Variants in LPP observed in about 807,000 individuals in gnomAD.
The protein encoded by LPP is LIM domain containing preferred translocation partner in lipoma.
In LPP, 38 loss-of-function variants were observed where a neutral mutation model predicts 60.4. The ratio of observed to expected loss-of-function variants is 0.63; its 90% CI spans 0.49 to 0.83. The LOEUF is 0.83. Among genes scored for constraint, LPP ranks in the 40% least tolerant of loss-of-function variants. The pLI is 0.00. For synonymous variants in LPP, 328 were observed against 290.8 expected (o/e 1.13, Z -1.30); for missense variants, 902 against 783.6 (o/e 1.15, Z -1.80).
intron 7 of LPP, among the ~76,000 whole-genome samples, chr3:188,676,834 G>A (rs776417725): frequency 6.6e-6 from 1 of 152,174 alleles, no homozygotes; most frequent in Non-Finnish European, 1.5e-5. Flanking sequence ...AATAGAAACA[G>A]CAAAGGTCAC....
intron 3 of LPP, among the ~76,000 whole-genome samples, chr3:188,378,369 C>A (rs2151170499): frequency 6.6e-6 from 1 of 152,358 alleles, no homozygotes; most frequent in East Asian, 1.9e-4. Flanking sequence ...TTCAAGCTTC[C>A]TGGCCGCTTT....
At chr3:188,528,435 G>A (rs1159859021) in intron 6 of LPP, among the ~76,000 whole-genome samples, 1 of 151,890 alleles carries the variant, frequency 6.6e-6, no homozygotes, top group Non-Finnish European at 1.5e-5. Context: ...ATGCTTTGAG[G>A]TCTATTGTTT....
chr3:188,456,669 C>T (rs200196252), intron 4 of LPP, among the ~76,000 whole-genome samples: 9 of 152,166 alleles, frequency 5.9e-5, no homozygotes, highest in South Asian at 2.1e-4. Flanking sequence ...GAGTCAACCT[C>T]GGCTTCTGAG....
At chr3:188,408,528 A>T (rs915810992) in intron 4 of LPP, among the ~76,000 whole-genome samples, 1 of 152,048 alleles carries the variant, frequency 6.6e-6, no homozygotes, top group African/African-American at 2.4e-5. Flanking sequence ...GTTACCTGAA[A>T]ATTCTATTTG....
intron 2 of LPP, among the ~76,000 whole-genome samples, chr3:188,237,566 T>C (rs1722354975): frequency 6.6e-6 from 1 of 152,228 alleles, no homozygotes; most frequent in Non-Finnish European, 1.5e-5. Flanking sequence ...GAATGGATGT[T>C]GTGTTAGCAG....
At chr3:188,661,932 G>A (rs957018176) in intron 7 of LPP, among the ~76,000 whole-genome samples, 4 of 152,210 alleles carry the variant, frequency 2.6e-5, no homozygotes, top group African/African-American at 9.6e-5. Context: ...TTTAGTTAGT[G>A]CTTAATTATT....
intron 10 of LPP, among the ~76,000 whole-genome samples, chr3:188,869,129 A>G (rs964967549): frequency 3.9e-5 from 6 of 152,200 alleles, no homozygotes; most frequent in East Asian, 1.9e-4. Context: ...TCAGGCAAAA[A>G]GCAGAGGCAC....
chr3:188,688,205 A>C (rs765167012), intron 7 of LPP, among the ~76,000 whole-genome samples: 4 of 152,206 alleles, frequency 2.6e-5, no homozygotes, highest in Non-Finnish European at 1.5e-5. Flanking sequence ...CACAGCTCAT[A>C]TTCTGGTTTA....
chr3:188,757,879 TG>T (rs1730788499), intron 8 of LPP, among the ~76,000 whole-genome samples: 1 of 125,426 alleles, frequency 8.0e-6, no homozygotes, highest in East Asian at 2.1e-4. Context: ...TTTGTGGTTT[TG>T]TTTTTTTGGT....
At chr3:188,659,397 T>C (rs1417121915) in intron 7 of LPP, among the ~76,000 whole-genome samples, 1 of 152,220 alleles carries the variant, frequency 6.6e-6, no homozygotes, top group Non-Finnish European at 1.5e-5. Context: ...ATTTCCACCT[T>C]GGAACTGTTT....
At chr3:188,650,560 T>G (rs1851885675) in intron 7 of LPP, among the ~76,000 whole-genome samples, 2 of 152,192 alleles carry the variant, frequency 1.3e-5, no homozygotes, top group Non-Finnish European at 2.9e-5. Context: ...CTGTCCTTGT[T>G]GGTTGCATTC....
chr3:188,382,179 C>G (rs1266556908), intron 3 of LPP, among the ~76,000 whole-genome samples: 1 of 152,146 alleles, frequency 6.6e-6, no homozygotes, highest in Non-Finnish European at 1.5e-5. Context: ...CCCAGATGCT[C>G]CCTTTTAATC....
At chr3:188,409,124 G>T (rs1022714558) in intron 4 of LPP, among the ~76,000 whole-genome samples, 2 of 152,154 alleles carry the variant, frequency 1.3e-5, no homozygotes, top group African/African-American at 4.8e-5. Context: ...CGGATGGCTG[G>T]CTGGGTGAGT....
chr3:188,544,418 T>C (rs1201769236), intron 6 of LPP, among the ~76,000 whole-genome samples: 1 of 152,220 alleles, frequency 6.6e-6, no homozygotes, highest in African/African-American at 2.4e-5. Context: ...ATATTAACTT[T>C]TCTTTATGAA....
intron 5 of LPP, among the ~76,000 whole-genome samples, chr3:188,518,673 T>C (rs960842423): frequency 6.6e-6 from 1 of 152,206 alleles, no homozygotes; most frequent in African/African-American, 2.4e-5. Flanking sequence ...GTCAGTATGG[T>C]TGTCTACCTC....
chr3:188,603,939 C>T (rs989098193), intron 6 of LPP, among the ~76,000 whole-genome samples: 1 of 152,122 alleles, frequency 6.6e-6, no homozygotes, highest in African/African-American at 2.4e-5. Flanking sequence ...TTAAAATTTA[C>T]ATTTAAATCT....
rs76876902 is a variant in LPP at position 188,746,016 on chromosome 3, C to T, written c.1241-14097C>T. On this transcript the variant is annotated intron_variant, in intron 8 of 11. Transcript: ENST00000617246. ...TGCATGTTCCCCTTTTCCCATATCGCATGGATAGCATCTTACGCATCTAAG... is the reference window on the plus strand; with the variant it reads ...TGCATGTTCCCCTTTTCCCATATCGTATGGATAGCATCTTACGCATCTAAG... 6.8e-3 allele frequency among the ~76,000 whole-genome samples: 1,039 copies of T among 152,286 alleles called. 15 individuals carry two copies. Among genetic ancestry groups the T allele is most frequent in the African/African-American group, 0.024 (988 of 41,564 alleles).
intron 3 of LPP, among the ~76,000 whole-genome samples, chr3:188,380,773 G>A (rs749654667): frequency 4.6e-5 from 7 of 152,204 alleles, no homozygotes; most frequent in African/African-American, 9.6e-5. Context: ...CAGATGGATT[G>A]CATCCCTGTA....
chr3:188,462,580 ATATATG>A (rs1799311255), intron 4 of LPP, among the ~76,000 whole-genome samples: 1 of 52,404 alleles, frequency 1.9e-5, no homozygotes, highest in Non-Finnish European at 3.7e-5. Context: ...ATATATATAT[ATATATG>A]CATGTGTGTG....
Sources: gnomAD v4.1 joint callset for allele counts (sites outside exome capture counted in the v4.1 genomes callset) on GRCh38, gnomAD v4.1.1 for gene constraint, MANE v1.5 for transcripts, NCBI Gene and HGNC (gene_info 2026-07-23, HGNC 2026-07-21) for gene names.